The following BNC2 variants were observed in gnomAD, a reference collection of about 807,000 sequenced individuals.
BNC2 encodes basonuclin zinc finger protein 2.
Under a neutral mutation model 76.3 loss-of-function variants are expected in BNC2, and 20 were observed. That is an observed-to-expected ratio of 0.26 (90% CI 0.18 to 0.38). The LOEUF is 0.38. Ranked by LOEUF, BNC2 falls within the 10% of genes least tolerant of loss-of-function variation. The pLI is 1.00. For synonymous variants in BNC2, 582 were observed against 514.8 expected, an observed-to-expected ratio of 1.13 and a Z score of -1.77; for missense variants, 1,382 against 1,399.8, an observed-to-expected ratio of 0.99 and a Z score of 0.20.
intron 1 of BNC2, among the ~76,000 whole-genome samples, chr9:16,744,473 T>A (rs983687982): frequency 6.6e-6 from 1 of 152,184 alleles, no homozygotes; most frequent in African/African-American, 2.4e-5. Flanking sequence ...ACTGCTAAGA[T>A]GATTATTCAT....
chr9:16,592,078 A>T (rs1819943936), intron 3 of BNC2, among the ~76,000 whole-genome samples: 1 of 151,504 alleles, frequency 6.6e-6, no homozygotes. Flanking sequence ...TAAAAGACAA[A>T]AAGCTGGGCA....
intron 3 of BNC2, among the ~76,000 whole-genome samples, chr9:16,687,766 G>C (rs1823021031): frequency 6.6e-6 from 1 of 152,128 alleles, no homozygotes. Flanking sequence ...TAAGTTTCTA[G>C]TTCTTTTTAT....
chr9:16,446,413 C>A (rs1336291238), intron 5 of BNC2, among the ~76,000 whole-genome samples: 2 of 151,964 alleles, frequency 1.3e-5, no homozygotes, highest in Non-Finnish European at 2.9e-5. Context: ...TTTTATGTGA[C>A]TTTGAAGTAG....
chr9:16,568,049 TTTGGGAG>T (rs1819216296), intron 4 of BNC2, among the ~76,000 whole-genome samples: 1 of 152,184 alleles, frequency 6.6e-6, no homozygotes, highest in Non-Finnish European at 1.5e-5. Flanking sequence ...ATTCTTTTAT[TTTGGGAG>T]AAAGCCAAGT....
At chr9:16,786,983 G>C (rs932353830) in intron 1 of BNC2, among the ~76,000 whole-genome samples, 1 of 152,188 alleles carries the variant, frequency 6.6e-6, no homozygotes, top group African/African-American at 2.4e-5. Context: ...GGACAGGCTA[G>C]AGACGAGTAA....
At chr9:16,606,046 G>C (rs1173077391) in intron 3 of BNC2, among the ~76,000 whole-genome samples, 1 of 151,976 alleles carries the variant, frequency 6.6e-6, no homozygotes, top group Non-Finnish European at 1.5e-5. Context: ...GCCCAGTCAA[G>C]AACTTTTTTT....
intron 3 of BNC2, among the ~76,000 whole-genome samples, chr9:16,627,683 A>C (rs1375235418): frequency 1.3e-5 from 2 of 152,134 alleles, no homozygotes; most frequent in Non-Finnish European, 2.9e-5. Flanking sequence ...TGGTATTAGA[A>C]GTGTTTCTTA....
intron 1 of BNC2, among the ~76,000 whole-genome samples, chr9:16,752,306 T>C (rs1825242223): frequency 6.6e-6 from 1 of 152,232 alleles, no homozygotes; most frequent in African/African-American, 2.4e-5. Flanking sequence ...TCACTTCCTT[T>C]TTAGATAGTC....
At chr9:16,842,295 A>G (rs181994540) in intron 1 of BNC2, among the ~76,000 whole-genome samples, 20 of 152,370 alleles carry the variant, frequency 1.3e-4, no homozygotes, top group African/African-American at 3.6e-4. Context: ...TCATGTAGAT[A>G]TAAGTATGAT....
At chr9:16,618,992 T>A (rs1038470857) in intron 3 of BNC2, among the ~76,000 whole-genome samples, 2 of 152,236 alleles carry the variant, frequency 1.3e-5, no homozygotes, top group African/African-American at 4.8e-5. Flanking sequence ...AGCATTTCTA[T>A]AAGTGAAGCA....
chr9:16,780,803 G>C (rs1295932602), intron 1 of BNC2, among the ~76,000 whole-genome samples: 2 of 152,004 alleles, frequency 1.3e-5, no homozygotes, highest in Non-Finnish European at 2.9e-5. Context: ...TATTAAGATA[G>C]AATACCTTGC....
chr9:16,562,960 T>C (rs555028369), intron 4 of BNC2, among the ~76,000 whole-genome samples: 8 of 152,238 alleles, frequency 5.3e-5, no homozygotes, highest in Non-Finnish European at 1.0e-4. Flanking sequence ...TGGACTGTTT[T>C]AGTAATGTAT....
At chr9:16,722,929 A>T (rs1007255357) in intron 3 of BNC2, among the ~76,000 whole-genome samples, 1 of 152,218 alleles carries the variant, frequency 6.6e-6, no homozygotes, top group Non-Finnish European at 1.5e-5. Flanking sequence ...TATCTTAACA[A>T]ATACAAATAC....
intron 4 of BNC2, among the ~76,000 whole-genome samples, chr9:16,576,876 T>A (rs1259148356): frequency 1.3e-5 from 2 of 152,198 alleles, no homozygotes; most frequent in Admixed American, 6.5e-5. Context: ...TAGCTGGGAT[T>A]ACAGGTACGC....
intron 5 of BNC2, among the ~76,000 whole-genome samples, chr9:16,480,943 A>T (rs974759269): frequency 7.9e-5 from 12 of 152,188 alleles, no homozygotes; most frequent in Non-Finnish European, 1.5e-4. Context: ...CTGGTGCGGG[A>T]TCCACTGGGT....
At chr9:16,443,817 T>G (rs568782578) in intron 5 of BNC2, among the ~76,000 whole-genome samples, 1 of 152,168 alleles carries the variant, frequency 6.6e-6, no homozygotes, top group Admixed American at 6.5e-5. Context: ...ATAAAGTGGA[T>G]TAGTAGTTGC....
At chr9:16,627,143 G>T (rs1000355659) in intron 3 of BNC2, among the ~76,000 whole-genome samples, 1 of 152,154 alleles carries the variant, frequency 6.6e-6, no homozygotes, top group African/African-American at 2.4e-5. Flanking sequence ...GCAGAGTCCA[G>T]CAACTGCTGG....
At chr9:16,717,936 C>G (rs1343849109) in intron 3 of BNC2, among the ~76,000 whole-genome samples, 1 of 152,166 alleles carries the variant, frequency 6.6e-6, no homozygotes, top group Non-Finnish European at 1.5e-5. Context: ...ACTGTTTACA[C>G]AAGTTAAAAC....
intron 5 of BNC2, among the ~76,000 whole-genome samples, chr9:16,463,294 C>CTTTTTTTTTTTTTTTTTT (rs34855187): frequency 9.5e-6 from 1 of 105,644 alleles, no homozygotes; most frequent in South Asian, 3.0e-4. Flanking sequence ...GTATTAAATT[C>CTTTTTTTTTTTTTTTTTT]TTTTTTTTTT....
Sources: allele counts gnomAD v4.1 joint callset (sites outside exome capture counted in the v4.1 genomes callset), GRCh38; gene constraint gnomAD v4.1.1; transcripts MANE v1.5; gene names NCBI Gene and HGNC (gene_info 2026-07-23, HGNC 2026-07-21).